The following SGCD variants were observed in gnomAD, a reference collection of about 807,000 sequenced individuals.
SGCD encodes delta-sarcoglycan.
SGCD carries 18 observed loss-of-function variants against 36.6 expected under a neutral mutation model. That is an observed-to-expected ratio of 0.49 (90% CI 0.34 to 0.73). The LOEUF (loss-of-function observed/expected upper bound fraction) is 0.73, where lower values mean the gene tolerates loss of function less well. Among genes scored for constraint, SGCD ranks in the 30% least tolerant of loss-of-function variants. SGCD has a pLI of 0.01. For missense variants in SGCD, 387 were observed against 346.7 expected, an observed-to-expected ratio of 1.12 and a Z score of -0.92; for synonymous variants, 133 against 130.6, an observed-to-expected ratio of 1.02 and a Z score of -0.12.
the SGCD span, among the ~76,000 whole-genome samples, chr5:155,805,524 T>G: frequency 6.6e-6 from 1 of 152,236 alleles, no homozygotes; most frequent in Non-Finnish European, 1.5e-5. Context: ...GGGTCTGTCC[T>G]ATGCATTGGA....
At chr5:156,542,021 A>G (rs1309105926) in intron 4 of SGCD, among the ~76,000 whole-genome samples, 1 of 152,208 alleles carries the variant, frequency 6.6e-6, no homozygotes, top group Non-Finnish European at 1.5e-5. Context: ...GTTAAATTTA[A>G]AATCACTGCA....
chr5:156,213,275 A>G (rs866983651), intron 3 of SGCD, among the ~76,000 whole-genome samples: 1 of 151,982 alleles, frequency 6.6e-6, no homozygotes, highest in Non-Finnish European at 1.5e-5. Flanking sequence ...AAAAAACTCA[A>G]TATAGGAAAT....
chr5:155,857,690 C>T, the SGCD span, among the ~76,000 whole-genome samples: 1 of 152,020 alleles, frequency 6.6e-6, no homozygotes, highest in Non-Finnish European at 1.5e-5. Flanking sequence ...TAAAGGGGCA[C>T]AATTAGGGGC....
chr5:156,626,255 G>C (rs1301146393), intron 6 of SGCD, among the ~76,000 whole-genome samples: 1 of 152,222 alleles, frequency 6.6e-6, no homozygotes, highest in Admixed American at 6.5e-5. Flanking sequence ...TTTGTGCCCT[G>C]CATCCCCTTG....
chr5:156,287,025 G>C (rs573539721), intron 3 of SGCD, among the ~76,000 whole-genome samples: 1 of 152,094 alleles, frequency 6.6e-6, no homozygotes, highest in Non-Finnish European at 1.5e-5. Context: ...TGCTTTCAGA[G>C]TGTTTACATT....
At chr5:156,351,936 T>C (rs934559281) in intron 3 of SGCD, among the ~76,000 whole-genome samples, 1 of 152,078 alleles carries the variant, frequency 6.6e-6, no homozygotes, top group Non-Finnish European at 1.5e-5. Context: ...GGCCATGAAC[T>C]ACATTGCCTT....
At chr5:155,941,949 GAGA>G (rs772256595) in intron 1 of SGCD, among the ~76,000 whole-genome samples, 1 of 152,166 alleles carries the variant, frequency 6.6e-6, no homozygotes, top group Non-Finnish European at 1.5e-5. Flanking sequence ...TCCTAGTGCA[GAGA>G]AGGTCACCCA....
At chr5:156,282,649 C>T (rs1338327458) in intron 3 of SGCD, among the ~76,000 whole-genome samples, 2 of 152,118 alleles carry the variant, frequency 1.3e-5, no homozygotes, top group Non-Finnish European at 2.9e-5. Context: ...TGAATAATTA[C>T]TGGTGTGAGT....
intron 7 of SGCD, among the ~76,000 whole-genome samples, chr5:156,699,856 C>T (rs1314500871): frequency 2.0e-5 from 3 of 152,156 alleles, no homozygotes; most frequent in Admixed American, 1.3e-4. Flanking sequence ...GTGCAGGGGA[C>T]AAACCCTTTT....
chr5:156,457,941 C>T lies in SGCD; in HGVS notation c.193-50660C>T, dbSNP rs75926246. On this transcript the variant is annotated intron_variant, in intron 3 of 8. Transcript: ENST00000337851. Reference sequence around the variant, plus strand: ...TGAGTGACTTTGGGCGGTTTAGGACCTTTCCCAGCTATGCTATGTCTTCCA... The same window carrying T: ...TGAGTGACTTTGGGCGGTTTAGGACTTTTCCCAGCTATGCTATGTCTTCCA... Among the ~76,000 whole-genome samples the T allele has an allele frequency of 5.3e-5, 8 of 152,248 alleles. No homozygotes were observed. The East Asian group carries it at 1.5e-3, about 29-fold the overall frequency.
At chr5:155,870,130 A>G (rs905293686), upstream of SGCD, among the ~76,000 whole-genome samples, 2 of 152,244 alleles carry the variant, frequency 1.3e-5, no homozygotes, top group Non-Finnish European at 2.9e-5. Context: ...AGGCAGTGTG[A>G]TATACTGGTG....
intron 1 of SGCD, among the ~76,000 whole-genome samples, chr5:156,010,636 C>G (rs1022545096): frequency 6.6e-6 from 1 of 152,134 alleles, no homozygotes; most frequent in African/African-American, 2.4e-5. Context: ...CATAGTAATT[C>G]GACAAACATC....
rs137895094 is a variant in SGCD at position 156,088,490 on chromosome 5, G to GGTTT, written c.-281-29364_-281-29361dup. ...ATACCCAGCAGGGCAGAGAAATAAG[G>GGTTT]GTTTGTTTGTTTGTTTGTTTGTTTG... On this transcript the variant is annotated intron_variant, in intron 1 of 9. Transcript: ENST00000517913. Among the ~76,000 whole-genome samples, 808 of 151,056 alleles carry GGTTT rather than the reference G, an allele frequency of 5.3e-3. 6 individuals are homozygous for GGTTT. The highest frequency in any genetic ancestry group is 0.018 in the African/African-American group (755 of 41,036).
At chr5:156,671,843 GC>G (rs960874980) in intron 7 of SGCD, among the ~76,000 whole-genome samples, 41 of 152,270 alleles carry the variant, frequency 2.7e-4, no homozygotes, top group Middle Eastern at 6.8e-3. Flanking sequence ...GCCTCAGGAA[GC>G]TTTTACCTGT....
intron 3 of SGCD, among the ~76,000 whole-genome samples, chr5:156,289,737 G>A (rs182554630): frequency 5.9e-5 from 9 of 151,804 alleles, no homozygotes; most frequent in South Asian, 2.1e-4. Context: ...CAGGCTAGTC[G>A]CTAACCCCTC....
chr5:155,900,887 G>T (rs114757464), intron 1 of SGCD, among the ~76,000 whole-genome samples: 1,644 of 152,052 alleles, frequency 0.011, 26 homozygotes, highest in African/African-American at 0.038. Flanking sequence ...AGAAATATGT[G>T]CACACTCATG....
chr5:155,967,822 C>A (rs190217906), intron 1 of SGCD, among the ~76,000 whole-genome samples: 4 of 152,166 alleles, frequency 2.6e-5, no homozygotes, highest in Admixed American at 2.6e-4. Flanking sequence ...TGTGGCGCTC[C>A]TGGAACCAGA....
chr5:156,634,882 G>A (rs981617004), intron 6 of SGCD, among the ~76,000 whole-genome samples: 3 of 152,034 alleles, frequency 2.0e-5, no homozygotes, highest in African/African-American at 7.2e-5. Flanking sequence ...TTACTAAGCC[G>A]CAGACAAAGC....
chr5:156,701,777 A>T (rs767329385), intron 7 of SGCD, among the ~76,000 whole-genome samples: 6 of 152,188 alleles, frequency 3.9e-5, no homozygotes, highest in Admixed American at 6.5e-5. Flanking sequence ...ACCCTTTAAG[A>T]TTTGAGAACT....
Sources: gnomAD v4.1 joint callset for allele counts (sites outside exome capture counted in the v4.1 genomes callset) on GRCh38, gnomAD v4.1.1 for gene constraint, MANE v1.5 for transcripts, NCBI Gene and HGNC (gene_info 2026-07-23, HGNC 2026-07-21) for gene names.